Variants in TMEM135 observed in about 807,000 individuals in gnomAD.
TMEM135 encodes transmembrane protein 135, also known as peroxisomal membrane protein 52.
A neutral mutation model predicts 60.3 loss-of-function variants in TMEM135; 30 were observed. That is an observed-to-expected ratio of 0.50 (90% CI 0.37 to 0.68). The LOEUF is 0.68. Among genes scored for constraint, TMEM135 ranks in the 30% least tolerant of loss-of-function variants. TMEM135 has a pLI of 0.00. For missense variants in TMEM135, 468 were observed against 548.8 expected (o/e 0.85, Z 1.47); for synonymous variants, 190 against 186.7 (o/e 1.02, Z -0.14).
chr11:87,191,695 A>AT (rs1939802483), intron 5 of TMEM135, among the ~76,000 whole-genome samples: 1 of 152,168 alleles, frequency 6.6e-6, no homozygotes, highest in African/African-American at 2.4e-5. Context: ...GTTAGAGTCT[A>AT]TTATTCGGAA....
chr11:87,235,658 A>G (rs1940979419), intron 5 of TMEM135, among the ~76,000 whole-genome samples: 1 of 151,970 alleles, frequency 6.6e-6, no homozygotes, highest in Non-Finnish European at 1.5e-5. Context: ...ATGTGAGGCC[A>G]TTGACGATTC....
At chr11:87,092,925 T>C (rs572402053) in intron 4 of TMEM135, among the ~76,000 whole-genome samples, 1 of 152,248 alleles carries the variant, frequency 6.6e-6, no homozygotes, top group Admixed American at 6.5e-5. Context: ...AGGATATAGA[T>C]TTATTTTTAT....
chr11:87,114,470 G>A (rs2512336), intron 4 of TMEM135, among the ~76,000 whole-genome samples: 83,476 of 151,916 alleles, frequency 0.55, 23,755 homozygotes, highest in East Asian at 0.71. Context: ...TGTATAGGAA[G>A]GTGATAGTCC....
At chr11:87,264,007 T>G (rs1941702465) in intron 6 of TMEM135, among the ~76,000 whole-genome samples, 1 of 152,050 alleles carries the variant, frequency 6.6e-6, no homozygotes, top group South Asian at 2.1e-4. Context: ...AAGATAGAAG[T>G]TTGGTAAAAA....
intron 5 of TMEM135, among the ~76,000 whole-genome samples, chr11:87,211,991 C>G (rs1041766906): frequency 1.3e-5 from 2 of 151,972 alleles, no homozygotes; most frequent in African/African-American, 4.8e-5. Context: ...CTTGTAGCTT[C>G]AAGATCTTGG....
intron 6 of TMEM135, among the ~76,000 whole-genome samples, chr11:87,286,128 C>G (rs1393012624): frequency 6.6e-6 from 1 of 152,092 alleles, no homozygotes; most frequent in African/African-American, 2.4e-5. Flanking sequence ...GATCCTTTAG[C>G]TAGACATAAA....
chr11:87,055,921 C>T (rs117577631), intron 1 of TMEM135, among the ~76,000 whole-genome samples: 3,100 of 152,122 alleles, frequency 0.02, 35 homozygotes, highest in Non-Finnish European at 0.028. Context: ...AGGGCAAGTC[C>T]GCAGCGCAAA....
intron 4 of TMEM135, among the ~76,000 whole-genome samples, chr11:87,115,667 TATTCATG>T (rs1339270016): frequency 6.6e-6 from 1 of 152,280 alleles, no homozygotes; most frequent in African/African-American, 2.4e-5. Flanking sequence ...TTGATTAAAA[TATTCATG>T]ATTCACCTTT....
At chr11:87,159,594 C>G (rs1333991207) in intron 5 of TMEM135, among the ~76,000 whole-genome samples, 2 of 70,398 alleles carry the variant, frequency 2.8e-5, no homozygotes, top group African/African-American at 1.3e-4. Context: ...CACACACGCG[C>G]ACACACACAC....
rs188844173 is a variant in TMEM135, at chr11:87,166,876, A to T, written c.462+9470A>T. Among the ~76,000 whole-genome samples the T allele has an allele frequency of 3.0e-3, 464 of 152,218 alleles. 3 individuals carry two copies. Among genetic ancestry groups the T allele is most frequent in the Non-Finnish European group, 5.1e-3 (345 of 68,018 alleles). ...GGTAGCTTGATGGGGATAGCATTGA[A>T]TCTGTAAATTACTTTGGGCAATATG... On this transcript the variant is annotated intron_variant, in intron 5 of 14. Transcript: ENST00000305494.
chr11:87,321,060 T>G, intron 14 of TMEM135, 141 bp from the exon 15 acceptor site: 1 of 674,690 alleles, frequency 1.5e-6, no homozygotes, highest in Non-Finnish European at 2.5e-6. Context: ...TCATGTGACT[T>G]GAATCTGCCA....
intron 5 of TMEM135, among the ~76,000 whole-genome samples, chr11:87,202,000 GT>G (rs1940107624): frequency 2.4e-5 from 2 of 83,352 alleles, no homozygotes; most frequent in East Asian, 6.1e-4. Flanking sequence ...GTTATGTTAT[GT>G]TATGTTATGT....
At chr11:87,124,172 A>G (rs58190299) in intron 4 of TMEM135, among the ~76,000 whole-genome samples, 19,611 of 152,200 alleles carry the variant, frequency 0.13, 1,351 homozygotes, top group Middle Eastern at 0.15. Flanking sequence ...ACAGAAACCA[A>G]TTTGGTTGGC....
intron 5 of TMEM135, among the ~76,000 whole-genome samples, chr11:87,205,309 G>T (rs1427871502): frequency 6.6e-6 from 1 of 152,188 alleles, no homozygotes. Context: ...TAGAGTAGTA[G>T]CTGTGGATTT....
intron 3 of TMEM135, among the ~76,000 whole-genome samples, chr11:87,084,646 G>A: frequency 6.6e-6 from 1 of 152,188 alleles, no homozygotes; most frequent in Non-Finnish European, 1.5e-5. Flanking sequence ...GGTGCACAAA[G>A]TTGTATGCCG....
At chr11:87,219,968 G>C (rs908844179) in intron 5 of TMEM135, among the ~76,000 whole-genome samples, 1 of 152,286 alleles carries the variant, frequency 6.6e-6, no homozygotes. Flanking sequence ...TTTTTGCTCA[G>C]ATAGGTCTCA....
intron 5 of TMEM135, among the ~76,000 whole-genome samples, chr11:87,161,812 T>G (rs1394776792): frequency 8.5e-5 from 13 of 152,236 alleles, no homozygotes; most frequent in African/African-American, 3.1e-4. Flanking sequence ...CATATATTTG[T>G]GTTTAGCATT....
chr11:87,324,187 T>C lies in TMEM135; in HGVS notation c.*2854T>C, dbSNP rs1429957125. On this transcript the variant is annotated 3_prime_UTR_variant, in exon 15 of 15. Transcript: ENST00000305494. ...TGCTGACGTAATTGTTTCCTGCTTA[T>C]ATTTTATCATATCCCTGAGCTTCTG... The C allele has an allele frequency of 2.2e-6, 1 of 454,116 alleles. No individual in the cohort carries two copies. The highest frequency in any genetic ancestry group is 4.4e-6 in the Non-Finnish European group (1 of 226,782). The allele number at this position is 454,116 out of a possible 1,614,324, so 28.1% of individuals were successfully genotyped here.
At chr11:87,295,213 T>C (rs892437402) in intron 6 of TMEM135, among the ~76,000 whole-genome samples, 1 of 152,198 alleles carries the variant, frequency 6.6e-6, no homozygotes, top group Non-Finnish European at 1.5e-5. Context: ...TAGAGTCCTG[T>C]CTTTCTGCTC....
Sources: gnomAD v4.1 joint callset for allele counts (sites outside exome capture counted in the v4.1 genomes callset) on GRCh38, gnomAD v4.1.1 for gene constraint, MANE v1.5 for transcripts, NCBI Gene and HGNC (gene_info 2026-07-23, HGNC 2026-07-21) for gene names.